Variants in ABLIM1 observed in about 807,000 individuals in gnomAD.
The protein encoded by ABLIM1 is actin-binding LIM protein 1.
In ABLIM1, 40 loss-of-function variants were observed where a neutral mutation model predicts 107.0. That is an observed-to-expected ratio of 0.37 (90% CI 0.29 to 0.49). The LOEUF (loss-of-function observed/expected upper bound fraction) is 0.49, where lower values mean the gene tolerates loss of function less well. Among genes scored for constraint, ABLIM1 ranks in the 20% least tolerant of loss-of-function variants. ABLIM1 has a pLI of 0.97. For synonymous variants in ABLIM1, 357 were observed against 357.3 expected (o/e 1.00, Z 0.01); for missense variants, 857 against 1,008.5 (o/e 0.85, Z 2.04).
rs185015242 is a variant in ABLIM1, at chr10:114,739,187, T to C, written c.-213+28874A>G. On this transcript the variant is annotated intron_variant, in intron 1 of 15. Transcript: ENST00000651092. ...TTGCATTTCTTTCTCTAGTTTCCGA[T>C]GTTTACAAATTAGTCTACAGACAAA... Among the ~76,000 whole-genome samples, 13 of 152,386 alleles carry C rather than the reference T, an allele frequency of 8.5e-5. No individual in the cohort carries two copies. In the East Asian group the frequency reaches 1.3e-3, roughly 16 times the overall value.
At chr10:114,668,734 A>AGACAATGAGATTTGGTGGAAAGAGGT (rs1228323473) in intron 1 of ABLIM1, among the ~76,000 whole-genome samples, 1 of 152,212 alleles carries the variant, frequency 6.6e-6, no homozygotes, top group African/African-American at 2.4e-5. Flanking sequence ...AACACAGGAA[A>AGACAATGAGATTTGGTGGAAAGAGGT]GACAATGAGA....
chr10:114,469,381 C>T (rs759913740), intron 10 of ABLIM1, among the ~76,000 whole-genome samples: 14 of 152,208 alleles, frequency 9.2e-5, no homozygotes, highest in Non-Finnish European at 1.9e-4. Flanking sequence ...CTTCCATCCT[C>T]CTAGGCACAC....
At chr10:114,519,466 C>A (rs1297588727) in intron 6 of ABLIM1, among the ~76,000 whole-genome samples, 1 of 152,168 alleles carries the variant, frequency 6.6e-6, no homozygotes, top group Non-Finnish European at 1.5e-5. Context: ...GCAGATTAGG[C>A]AAGGCCCCAA....
intron 1 of ABLIM1, among the ~76,000 whole-genome samples, chr10:114,608,929 C>T (rs552444201): frequency 4.6e-5 from 7 of 151,654 alleles, no homozygotes; most frequent in South Asian, 2.1e-4. Context: ...ACAGGAGAAT[C>T]GCTTGAACAC....
chr10:114,487,903 C>CACG, intron 8 of ABLIM1, 55 bp downstream of exon 8: 1 of 1,593,280 alleles, frequency 6.3e-7, no homozygotes, highest in Admixed American at 1.7e-5. Flanking sequence ...AATTAGTGAC[C>CACG]ACGAGCGTAT....
intron 1 of ABLIM1, among the ~76,000 whole-genome samples, chr10:114,703,406 T>C (rs2081345425): frequency 6.6e-6 from 1 of 152,262 alleles, no homozygotes; most frequent in African/African-American, 2.4e-5. Flanking sequence ...TTTGTCTGTG[T>C]GTGTGCCTTC....
At chr10:114,584,181 C>T (rs1159424911) in intron 2 of ABLIM1, among the ~76,000 whole-genome samples, 5 of 147,442 alleles carry the variant, frequency 3.4e-5, no homozygotes, top group Non-Finnish European at 7.5e-5. Context: ...TCCTTTCTGC[C>T]TGACTACACC....
intron 1 of ABLIM1, among the ~76,000 whole-genome samples, chr10:114,719,820 T>C (rs1481880042): frequency 1.3e-5 from 2 of 152,232 alleles, no homozygotes; most frequent in East Asian, 1.9e-4. Context: ...TAATCAAATA[T>C]GCCTGCCTTT....
chr10:114,452,583 A>G (rs908227556), intron 13 of ABLIM1, among the ~76,000 whole-genome samples: 1 of 152,262 alleles, frequency 6.6e-6, no homozygotes, highest in Non-Finnish European at 1.5e-5. Flanking sequence ...TTACATTAAT[A>G]TAGTGGGTAA....
intron 1 of ABLIM1, among the ~76,000 whole-genome samples, chr10:114,701,235 C>A (rs2081302200): frequency 6.6e-6 from 1 of 152,116 alleles, no homozygotes; most frequent in South Asian, 2.1e-4. Flanking sequence ...AAAATCACAA[C>A]AAGATACCAC....
upstream of ABLIM1, among the ~76,000 whole-genome samples, chr10:114,771,300 C>A (rs1293829123): frequency 6.6e-6 from 1 of 152,172 alleles, no homozygotes; most frequent in Non-Finnish European, 1.5e-5. Context: ...ATAAAATTCA[C>A]TCCTAGATGT....
At chr10:114,509,284 C>T (rs1276202539) in intron 6 of ABLIM1, among the ~76,000 whole-genome samples, 2 of 152,144 alleles carry the variant, frequency 1.3e-5, no homozygotes, top group African/African-American at 2.4e-5. Context: ...CAGGGTGAGG[C>T]GCCAGCAGCC....
chr10:114,566,746 GA>G (rs2070798454), intron 4 of ABLIM1, among the ~76,000 whole-genome samples: 1 of 152,126 alleles, frequency 6.6e-6, no homozygotes, highest in Non-Finnish European at 1.5e-5. Flanking sequence ...TTGCGTCTAT[GA>G]ATAACTTCCT....
chr10:114,763,453 T>C (rs1169961086), intron 1 of ABLIM1, among the ~76,000 whole-genome samples: 1 of 152,010 alleles, frequency 6.6e-6, no homozygotes, highest in Non-Finnish European at 1.5e-5. Context: ...AGTGACATGA[T>C]CTTGGCTCAC....
chr10:114,589,951 T>C (rs1009379114), intron 2 of ABLIM1, among the ~76,000 whole-genome samples: 10 of 152,306 alleles, frequency 6.6e-5, no homozygotes, highest in African/African-American at 2.4e-4. Flanking sequence ...CTGACTCACA[T>C]AGAGCAACTT....
intron 6 of ABLIM1, among the ~76,000 whole-genome samples, chr10:114,503,993 G>C (rs2060781081): frequency 6.6e-6 from 1 of 152,196 alleles, no homozygotes; most frequent in Non-Finnish European, 1.5e-5. Context: ...TAGCAAGCAA[G>C]GGTTGACATT....
At chr10:114,539,014 CT>C (rs898466190) in intron 6 of ABLIM1, among the ~76,000 whole-genome samples, 3 of 152,122 alleles carry the variant, frequency 2.0e-5, no homozygotes, top group Admixed American at 6.5e-5. Context: ...TTGACTTTTG[CT>C]TTTTTTTCCA....
the ABLIM1 span, among the ~76,000 whole-genome samples, chr10:114,787,734 C>T: frequency 8.8e-5 from 12 of 136,190 alleles, no homozygotes; most frequent in South Asian, 1.5e-3. Context: ...CCCGGCCAGC[C>T]GCCCCGTCCG....
intron 4 of ABLIM1, among the ~76,000 whole-genome samples, chr10:114,563,714 C>T (rs766484290): frequency 1.1e-4 from 16 of 150,950 alleles, no homozygotes; most frequent in Non-Finnish European, 2.1e-4. Flanking sequence ...GTCGTGGTGA[C>T]ACATGCCTGT....
Sources: gnomAD v4.1 joint callset for allele counts (sites outside exome capture counted in the v4.1 genomes callset) on GRCh38, gnomAD v4.1.1 for gene constraint, MANE v1.5 for transcripts, NCBI Gene and HGNC (gene_info 2026-07-23, HGNC 2026-07-21) for gene names.